The following ANKRD35 variants were observed in gnomAD, a reference collection of about 807,000 sequenced individuals.
The protein encoded by ANKRD35 is ankyrin repeat domain-containing protein 35.
In ANKRD35, 102 loss-of-function variants were observed where a neutral mutation model predicts 109.9. The observed-to-expected ratio is 0.93, with a 90% CI of 0.79 to 1.09. ANKRD35 has a LOEUF of 1.09. ANKRD35 is among the 50% of genes least tolerant of loss of function. The pLI, the probability that ANKRD35 is intolerant of heterozygous loss-of-function variation, is 0.00. For missense variants in ANKRD35, 1,240 were observed against 1,230.1 expected (o/e 1.01, Z -0.12); for synonymous variants, 515 against 512.4 (o/e 1.01, Z -0.07).
chr1:145,878,374 T>A lies in ANKRD35; in HGVS notation c.259+17A>T. 1 of 1,557,980 alleles carries A rather than the reference T, an allele frequency of 6.4e-7. No homozygotes were observed. Among genetic ancestry groups the A allele is most frequent in the Non-Finnish European group, 8.7e-7 (1 of 1,150,156 alleles). On this transcript the variant is annotated intron_variant, in intron 3 of 13. Transcript: ENST00000355594. Reference sequence around the variant, plus strand: ...GGGGCAAGCAAGCAGCGTGGCCCAGTGCTCCGGCTCACTCACCATCCTCAT... The same window carrying A: ...GGGGCAAGCAAGCAGCGTGGCCCAGAGCTCCGGCTCACTCACCATCCTCAT...
In ANKRD35 at chr1:145,872,063, G is replaced by T. The variant is rs782669511; in HGVS notation, c.2706C>A (p.Ser902=). ...GCTCTGCCGTTTTCTCAAACTGCTC[G>T]GAGCGCCCCCGCATCTCGCTGGCCT... is the stretch of plus-strand genomic sequence containing the variant. ...ERQASEMRGR[S]EQFEKTAELL... is the part of the protein sequence containing the mutation. The change falls in exon 10 of 14, where the codon TCC becomes TCA. Residue 902 remains serine (S), a synonymous_variant. Coordinates refer to ENST00000355594, the MANE Select transcript of ANKRD35 (RefSeq NM_144698.5). 1 of 1,613,622 alleles carries T rather than the reference G, an allele frequency of 6.2e-7. No homozygotes were observed. Among genetic ancestry groups the T allele is most frequent in the Non-Finnish European group, 8.5e-7 (1 of 1,179,910 alleles).
intron 1 of ANKRD35, among the ~76,000 whole-genome samples, chr1:145,881,994 G>A (rs1200175378): frequency 2.1e-4 from 25 of 119,126 alleles, no homozygotes; most frequent in South Asian, 5.2e-4. Context: ...TTGCTCTGTC[G>A]CCCAGGCTGG....
intron 2 of ANKRD35, 28 bp downstream of exon 2, chr1:145,879,230 A>AG: frequency 1.3e-6 from 2 of 1,546,690 alleles, no homozygotes; most frequent in Non-Finnish European, 1.7e-6. Flanking sequence ...GCCACATGTA[A>AG]GGGGCAGGGG....
At chr1:145,867,236 A>G (rs1653636832) in intron 13 of ANKRD35, 51 bp downstream of exon 13, 1 of 1,293,352 alleles carries the variant, frequency 7.7e-7, no homozygotes. Flanking sequence ...CACCTTTCCC[A>G]AGCCCTTTCT....
At chr1:145,882,106 C>G (rs1654312721) in intron 1 of ANKRD35, among the ~76,000 whole-genome samples, 1 of 150,454 alleles carries the variant, frequency 6.6e-6, no homozygotes, top group African/African-American at 2.4e-5. Context: ...AGGCGCCCGC[C>G]ACCACACCCG....
In ANKRD35 at chr1:145,872,738, T is replaced by C. The variant is rs1461729672; in HGVS notation, c.2031A>G (p.Thr677=). The part of the protein sequence containing the change: ...QQLRQSVGLL[T]NELAMEKEAT... ...CCTCCTTCTCCATGGCCAGTTCATT[T>C]GTCAGCAGCCCCACACTCTGTCGCA... Residue 677 remains threonine (T), a synonymous_variant, in exon 10 of 14, where the codon ACA becomes ACG. Coordinates refer to ENST00000355594, the MANE Select transcript of ANKRD35 (RefSeq NM_144698.5). The C allele has an allele frequency of 1.9e-6, 3 of 1,613,944 alleles. No individual in the cohort carries two copies. Among genetic ancestry groups the C allele is most frequent in the African/African-American group, 1.3e-5 (1 of 74,932 alleles).
At chr1:145,868,125 T>C (rs1653672842) in intron 11 of ANKRD35, 69 bp from the exon 12 acceptor site, 5 of 1,556,158 alleles carry the variant, frequency 3.2e-6, no homozygotes, top group Non-Finnish European at 4.4e-6. Flanking sequence ...AGCAACACAA[T>C]GAAGTGGTCA....
At chr1:145,879,416 T>G in intron 1 of ANKRD35, 28 bp from the exon 2 acceptor site, 1 of 1,502,814 alleles carries the variant, frequency 6.7e-7, no homozygotes, top group Non-Finnish European at 8.9e-7. Flanking sequence ...GTTGTGTGAA[T>G]ATAGGGCATG....
chr1:145,883,076 ATTTTT>A (rs34686883), intron 1 of ANKRD35, among the ~76,000 whole-genome samples: 305 of 83,436 alleles, frequency 3.7e-3, no homozygotes, highest in African/African-American at 0.012. Flanking sequence ...GACAGTACCA[ATTTTT>A]TTTTTTTTTT....
rs1273026339 is a variant in ANKRD35, at chr1:145,872,890, A to G, written c.1879T>C (p.Leu627=). ...MSVLRLSNSN[L]LEELGELGRE... is the part of the protein sequence containing the mutation. ...CCCAACTCCCCTAACTCCTCCAGCA[A>G]GTTACTGTTGCTCAGTCTCAGTACT... Residue 627 remains leucine (L), a synonymous_variant, in exon 10 of 14, where the codon TTG becomes CTG. Coordinates refer to ENST00000355594, the MANE Select transcript of ANKRD35 (RefSeq NM_144698.5). 17 of 1,613,908 alleles carry G rather than the reference A, an allele frequency of 1.1e-5. No homozygotes were observed. The highest frequency in any genetic ancestry group is 1.4e-5 in the Non-Finnish European group (17 of 1,180,006).
rs1404055368 is a variant in ANKRD35 at position 145,874,902 on chromosome 1, G to A, written c.665C>T (p.Ala222Val). The change falls in exon 8 of 14, where the codon GCT (alanine) becomes GTT (valine). Residue 222 changes from alanine to valine, a missense_variant. Transcript: ENST00000355594. ...AGAVDSTGHD[A>V]LHYALHTQDK... is the part of the protein sequence containing the mutation. The stretch of plus-strand genomic sequence containing the variant: ...TTGTGTGTGCAGAGCATAGTGCAGA[G>A]CATCATGCCCTGTGCTGTCCACAGC... 6.2e-6 allele frequency: 10 copies of A among 1,613,754 alleles called. No individual in the cohort carries two copies. The East Asian group carries it at 1.6e-4, about 25-fold the overall frequency.
At chr1:145,879,883 C>T (rs1048243290) in intron 1 of ANKRD35, among the ~76,000 whole-genome samples, 10 of 152,198 alleles carry the variant, frequency 6.6e-5, no homozygotes, top group African/African-American at 2.2e-4. Context: ...ATTAAGGCAC[C>T]GAGCTTCAGG....
At chr1:145,883,125 C>T (rs1654355655) in intron 1 of ANKRD35, among the ~76,000 whole-genome samples, 1 of 142,966 alleles carries the variant, frequency 7.0e-6, no homozygotes, top group African/African-American at 2.7e-5. Flanking sequence ...GCTCTTGTTG[C>T]CCAGGCTGGA....
intron 1 of ANKRD35, among the ~76,000 whole-genome samples, chr1:145,880,896 G>C (rs1007790040): frequency 6.6e-6 from 1 of 152,114 alleles, no homozygotes; most frequent in Non-Finnish European, 1.5e-5. Context: ...AAGTAGCTAG[G>C]GCTATTATTC....
In ANKRD35 at chr1:145,876,253, A is replaced by G; in HGVS notation, c.454-7T>C. 1 of 1,606,570 alleles carries G rather than the reference A, an allele frequency of 6.2e-7. No individual in the cohort carries two copies. The highest frequency in any genetic ancestry group is 8.5e-7 in the Non-Finnish European group (1 of 1,174,356). ...TCAGGGGTGTACGTCCATCCTGCAC[A>G]GATTGTAGGAAGAGGTTCATGAGCA... On this transcript the variant is annotated splice_polypyrimidine_tract_variant and splice_region_variant and intron_variant, in intron 6 of 13. Transcript: ENST00000355594.
In ANKRD35 at chr1:145,885,750, A is replaced by T; in HGVS notation, c.9T>A (p.Arg3=). The change falls in exon 1 of 14, where the codon CGT becomes CGA. Residue 3 remains arginine (R), a synonymous_variant. Transcript: ENST00000355594. MK[R]IFSCSSTQVA... ...CCTGTGTGCTGGAGCAGGAGAAGAT[A>T]CGCTTCATGGCCGGGGTCGGGGCCA... 6.2e-7 allele frequency: 1 copy of T among 1,613,852 alleles called. No homozygotes were observed. The highest frequency in any genetic ancestry group is 8.5e-7 in the Non-Finnish European group (1 of 1,179,876).
rs377359716 is a variant in ANKRD35 at position 145,876,596 on chromosome 1, G to A, written c.426C>T (p.His142=). 3.3e-5 allele frequency: 54 copies of A among 1,614,178 alleles called. No individual in the cohort carries two copies. Among genetic ancestry groups the A allele is most frequent in the Non-Finnish European group, 4.1e-5 (48 of 1,180,028 alleles). ...CASSVLLLCD[H]EAFLDVLDND... ...TATCCAACACGTCCAGGAAGGCTTCGTGGTCACACAGCAGGAGCACACTTG... is the reference window on the plus strand; with the variant it reads ...TATCCAACACGTCCAGGAAGGCTTCATGGTCACACAGCAGGAGCACACTTG... Residue 142 remains histidine (H), a synonymous_variant, in exon 6 of 14, where the codon CAC becomes CAT. Coordinates refer to ENST00000355594, the MANE Select transcript of ANKRD35 (RefSeq NM_144698.5).
rs189518771 is a variant in ANKRD35 at position 145,877,788 on chromosome 1, A to C, written c.324+180T>G. ...TAACCTGCCCTCAAAGGCACTATCA[A>C]ACATGGTGCCTGCACATAGTAGTTA... On this transcript the variant is annotated intron_variant, in intron 4 of 13. Transcript: ENST00000355594. 2.0e-5 allele frequency among the ~76,000 whole-genome samples: 3 copies of C among 152,378 alleles called. No individual in the cohort carries two copies. The East Asian group carries it at 5.8e-4, about 29-fold the overall frequency.
At chr1:145,874,092 T>A in intron 9 of ANKRD35, 63 bp downstream of exon 9, 1 of 1,610,952 alleles carries the variant, frequency 6.2e-7, no homozygotes, top group Non-Finnish European at 8.5e-7. Context: ...CCACTAGGAA[T>A]AGTCACAGTG....
Sources: allele counts gnomAD v4.1 joint callset (sites outside exome capture counted in the v4.1 genomes callset), GRCh38; gene constraint gnomAD v4.1.1; transcripts MANE v1.5; gene names NCBI Gene and HGNC (gene_info 2026-07-23, HGNC 2026-07-21).